Variants in DDRGK1 observed in about 807,000 individuals in gnomAD.
The protein encoded by DDRGK1 is DDRGK domain containing 1.
Under a neutral mutation model 45.8 loss-of-function variants are expected in DDRGK1, and 38 were observed. The ratio of observed to expected loss-of-function variants is 0.83; its 90% confidence interval spans 0.64 to 1.09. The LOEUF is 1.09. Among genes scored for constraint, DDRGK1 ranks in the 50% least tolerant of loss-of-function variants. The pLI is 0.00. For synonymous variants in DDRGK1, 171 were observed against 168.7 expected, an observed-to-expected ratio of 1.01 and a Z score of -0.11; for missense variants, 403 against 419.9, an observed-to-expected ratio of 0.96 and a Z score of 0.35.
rs2067032516 is a variant in DDRGK1, at chr20:3,200,547, G to A, written c.296-93C>T. The A allele has an allele frequency of 2.6e-6, 3 of 1,139,754 alleles. No individual in the cohort carries two copies. The East Asian group carries it at 7.7e-5, about 29-fold the overall frequency. 70.6% of individuals were successfully genotyped at this position (1,139,754 alleles called of 1,614,324 possible). ...CCCCTCGTCCCTCCCCTAACAGGGGGATCCCCTTCCACCCACCTGCAAATG... is the reference window on the plus strand; with the variant it reads ...CCCCTCGTCCCTCCCCTAACAGGGGAATCCCCTTCCACCCACCTGCAAATG... On this transcript the variant is annotated intron_variant, in intron 2 of 8. Coordinates refer to ENST00000354488, the MANE Select transcript of DDRGK1 (RefSeq NM_023935.3).
In DDRGK1 at chr20:3,204,574, G is replaced by A. The variant is rs763116033; in HGVS notation, c.54C>T (p.Ile18=). 2.6e-5 allele frequency: 41 copies of A among 1,579,438 alleles called. No individual in the cohort carries two copies. Among genetic ancestry groups the A allele is most frequent in the Non-Finnish European group, 2.5e-5 (29 of 1,168,702 alleles). The change falls in exon 1 of 9, where the codon ATC becomes ATT. Residue 18 remains isoleucine, a synonymous_variant. Coordinates refer to ENST00000354488, the MANE Select transcript of DDRGK1 (RefSeq NM_023935.3). ...LVAAALLVGF[I]LFLTRSRGRA... ...GGCCCCGGCTGCGAGTCAGGAAGAGGATAAAGCCGACTAGCAGAGCCGCCG... is the reference window on the plus strand; with the variant it reads ...GGCCCCGGCTGCGAGTCAGGAAGAGAATAAAGCCGACTAGCAGAGCCGCCG...
intron 2 of DDRGK1, among the ~76,000 whole-genome samples, 186 bp from the exon 3 acceptor site, chr20:3,200,640 T>TA (rs2122239474): frequency 6.6e-6 from 1 of 152,202 alleles, no homozygotes; most frequent in East Asian, 1.9e-4. Context: ...CATGAATATG[T>TA]AGGGATGGGA....
chr20:3,204,014 T>C (rs2067054080), intron 1 of DDRGK1, among the ~76,000 whole-genome samples: 1 of 152,062 alleles, frequency 6.6e-6, no homozygotes, highest in South Asian at 2.1e-4. Flanking sequence ...GGCCTTCTGA[T>C]CGGGGAGCGG....
At chr20:3,195,783 T>C (rs2067007590) in intron 4 of DDRGK1, among the ~76,000 whole-genome samples, 1 of 152,128 alleles carries the variant, frequency 6.6e-6, no homozygotes, top group South Asian at 2.1e-4. Flanking sequence ...CCCACTCCAG[T>C]CTGGCTTCTG....
chr20:3,197,681 G>C (rs1293895251), intron 4 of DDRGK1, among the ~76,000 whole-genome samples: 1 of 151,966 alleles, frequency 6.6e-6, no homozygotes, highest in African/African-American at 2.4e-5. Flanking sequence ...TGTAATCCCA[G>C]CACTTTGGGA....
chr20:3,203,070 G>T, intron 2 of DDRGK1, 143 bp downstream of exon 2: 1 of 736,622 alleles, frequency 1.4e-6, no homozygotes, highest in Non-Finnish European at 2.1e-6. Flanking sequence ...CAGGTCCCAA[G>T]TCCCCCCCTA....
At position 3,190,636 on chromosome 20, in the gene DDRGK1, A is replaced by G. The variant is rs2066985238; in HGVS notation, c.*17T>C. The G allele has an allele frequency of 6.2e-7, 1 of 1,612,826 alleles. No individual in the cohort carries two copies. Among genetic ancestry groups the G allele is most frequent in the East Asian group, 2.2e-5 (1 of 44,876 alleles). ...GTAGGCCACACCAACTCTGAGTCCA[A>G]GAGGGAAGGACTGGGGTCAGGCTGG... is the stretch of plus-strand genomic sequence containing the variant. On this transcript the variant is annotated 3_prime_UTR_variant, in exon 9 of 9. Transcript: ENST00000354488.
intron 7 of DDRGK1, 78 bp downstream of exon 7, chr20:3,191,687 A>C (rs939923361): frequency 2.7e-6 from 4 of 1,487,700 alleles, no homozygotes; most frequent in Admixed American, 2.0e-5. Flanking sequence ...TCAAGACTCT[A>C]TCTTTAGGGC....
Position 3,200,067 on chromosome 20 carries a change from G to A in DDRGK1, c.444C>T (p.Leu148=), listed in dbSNP as rs41281848. ...EEAEREERKR[L]ESQREAEWKK... is the part of the protein sequence containing the mutation. Reference sequence around the variant, plus strand: ...TCCACTCAGCTTCGCGCTGGGACTCGAGTCGTTTCCGCTCCTCACGTTCAG... The same window carrying A: ...TCCACTCAGCTTCGCGCTGGGACTCAAGTCGTTTCCGCTCCTCACGTTCAG... The change falls in exon 4 of 9, where the codon CTC becomes CTT. Residue 148 remains leucine, a synonymous_variant. Coordinates refer to ENST00000354488, the MANE Select transcript of DDRGK1 (RefSeq NM_023935.3). 2,378 of 1,613,882 alleles carry A rather than the reference G, an allele frequency of 1.5e-3. 2 individuals are homozygous for A. Among genetic ancestry groups the A allele is most frequent in the Non-Finnish European group, 1.4e-3 (1,674 of 1,179,994 alleles).
chr20:3,194,714 C>T (rs1020773430), intron 6 of DDRGK1, 116 bp downstream of exon 6: 14 of 1,387,360 alleles, frequency 1.0e-5, no homozygotes, highest in Non-Finnish European at 1.3e-5. Context: ...CTCTGGGCCC[C>T]CCTGTCCACT....
At chr20:3,194,001 C>A (rs2066999612) in intron 6 of DDRGK1, among the ~76,000 whole-genome samples, 1 of 152,290 alleles carries the variant, frequency 6.6e-6, no homozygotes, top group Non-Finnish European at 1.5e-5. Context: ...GGAGTGCACA[C>A]AGCCTGAACA....
intron 6 of DDRGK1, among the ~76,000 whole-genome samples, chr20:3,192,361 C>T (rs1392276605): frequency 6.6e-6 from 1 of 152,202 alleles, no homozygotes; most frequent in South Asian, 2.1e-4. Context: ...CCCTGGAGCT[C>T]GCAGTCCGGC....
chr20:3,201,521 C>G (rs904794719), intron 2 of DDRGK1, among the ~76,000 whole-genome samples: 20 of 151,148 alleles, frequency 1.3e-4, no homozygotes, highest in African/African-American at 4.9e-4. Flanking sequence ...TATTGCATAG[C>G]CACAAAGAAG....
rs1225441992 is a variant in DDRGK1 at position 3,200,262 on chromosome 20, G to T, written c.408+80C>A. ...CAAACACCAGCCCAGCAGGCAACAA[G>T]CCCTCAGTCTGCCTTAGGGAAAAAG... On this transcript the variant is annotated intron_variant, in intron 3 of 8. Transcript: ENST00000354488. 5 of 1,473,390 alleles carry T rather than the reference G, an allele frequency of 3.4e-6. No homozygotes were observed. The East Asian group carries it at 1.2e-4, about 36-fold the overall frequency. The allele number at this position is 1,473,390 out of a possible 1,614,324, so 91.3% of individuals were successfully genotyped here. A position where few individuals can be genotyped will look rare whatever the true frequency, so the allele number is the denominator to read the frequency against.
chr20:3,201,742 C>G (rs1208205679), intron 2 of DDRGK1, among the ~76,000 whole-genome samples: 1 of 150,330 alleles, frequency 6.7e-6, no homozygotes, highest in Non-Finnish European at 1.5e-5. Flanking sequence ...GCTGCAAGCA[C>G]CACCTCCTGG....
chr20:3,201,685 T>C (rs1600477468), intron 2 of DDRGK1, among the ~76,000 whole-genome samples: 1 of 146,834 alleles, frequency 6.8e-6, no homozygotes, highest in Non-Finnish European at 1.5e-5. Flanking sequence ...TGAGACGGAG[T>C]CTCGCTCTGT....
chr20:3,196,257 T>C (rs1369196500), intron 4 of DDRGK1, among the ~76,000 whole-genome samples: 1 of 152,206 alleles, frequency 6.6e-6, no homozygotes, highest in Non-Finnish European at 1.5e-5. Flanking sequence ...GAGGTCCTAT[T>C]GACCCCTTCT....
Position 3,195,281 on chromosome 20 carries a change from C to A in DDRGK1, c.583G>T (p.Ala195Ser), listed in dbSNP as rs762280622. The A allele has an allele frequency of 2.5e-6, 4 of 1,613,890 alleles. No individual in the cohort carries two copies. Among genetic ancestry groups the A allele is most frequent in the African/African-American group, 1.3e-5 (1 of 75,038 alleles). ...ACGCCTTCCTCCTCCACCACAAAGG[C>A]CTCCTTCAGTTTCAGGTACTCCTCA... The part of the protein sequence containing the change: ...EHEEYLKLKE[A>S]FVVEEEGVGE... The change falls in exon 5 of 9, where the codon GCC becomes TCC. Residue 195 changes from alanine to serine, a missense_variant. Physicochemically the swap from Ala to Ser is moderately conservative, Grantham distance 99. Coordinates refer to ENST00000354488, the MANE Select transcript of DDRGK1 (RefSeq NM_023935.3).
chr20:3,202,500 A>C (rs1390945600), intron 2 of DDRGK1, among the ~76,000 whole-genome samples: 1 of 152,170 alleles, frequency 6.6e-6, no homozygotes, highest in Admixed American at 6.6e-5. Context: ...CCTGGCTGAA[A>C]TGACAGTCCC....
Sources: gnomAD v4.1 joint callset for allele counts (sites outside exome capture counted in the v4.1 genomes callset) on GRCh38, gnomAD v4.1.1 for gene constraint, MANE v1.5 for transcripts, NCBI Gene and HGNC (gene_info 2026-07-23, HGNC 2026-07-21) for gene names.